Variants in PNKD observed in about 807,000 individuals in gnomAD.
PNKD encodes probable thioesterase PNKD.
Under a neutral mutation model 45.3 loss-of-function variants are expected in PNKD, and 36 were observed. That is an observed-to-expected ratio of 0.80 (90% CI 0.61 to 1.05). The LOEUF is 1.05. PNKD is among the 50% of genes least tolerant of loss of function. The pLI, the probability that PNKD is intolerant of heterozygous loss-of-function variation, is 0.00. For synonymous variants in PNKD, 197 were observed against 210.1 expected (o/e 0.94, Z 0.54); for missense variants, 511 against 506.6 (o/e 1.01, Z -0.08).
chr2:218,316,268 CTTTTT>C (rs397972881), intron 2 of PNKD, among the ~76,000 whole-genome samples: 4 of 119,586 alleles, frequency 3.3e-5, no homozygotes, highest in Non-Finnish European at 6.6e-5. Context: ...TTCTTTCTTT[CTTTTT>C]TTTTTTTTTT....
chr2:218,313,609 A>G (rs1429674555), intron 2 of PNKD, among the ~76,000 whole-genome samples: 1 of 152,222 alleles, frequency 6.6e-6, no homozygotes, highest in Non-Finnish European at 1.5e-5. Context: ...GTAGAGTTTC[A>G]TCATTACCAG....
chr2:218,334,627 C>A, intron 2 of PNKD: 1 of 694,604 alleles, frequency 1.4e-6, no homozygotes, highest in Non-Finnish European at 2.6e-6. Context: ...GCACTCTTGA[C>A]CTGGGTGACA....
chr2:218,277,815 G>C (rs1179689474), intron 2 of PNKD: 1 of 1,540,744 alleles, frequency 6.5e-7, no homozygotes, highest in Non-Finnish European at 8.9e-7. Flanking sequence ...CAGAACAGGC[G>C]GCCCAGATAA....
chr2:218,294,670 G>T (rs1431570614), intron 2 of PNKD, among the ~76,000 whole-genome samples: 1 of 152,128 alleles, frequency 6.6e-6, no homozygotes, highest in African/African-American at 2.4e-5. Context: ...TAGAGACAGG[G>T]TCTCACTATG....
intron 2 of PNKD, among the ~76,000 whole-genome samples, chr2:218,289,692 C>G (rs1416743788): frequency 6.8e-6 from 1 of 147,214 alleles, no homozygotes; most frequent in Admixed American, 6.8e-5. Flanking sequence ...TCTGAATGAA[C>G]AGCCTAACAG....
chr2:218,327,626 G>A (rs562902519), intron 2 of PNKD, among the ~76,000 whole-genome samples: 7 of 152,024 alleles, frequency 4.6e-5, no homozygotes, highest in Non-Finnish European at 7.4e-5. Flanking sequence ...CCACATTGCC[G>A]ACAGTATGGA....
At chr2:218,339,477 C>T (rs551374786) in intron 2 of PNKD, among the ~76,000 whole-genome samples, 4 of 152,062 alleles carry the variant, frequency 2.6e-5, no homozygotes, top group African/African-American at 9.6e-5. Flanking sequence ...CCGCCCACCT[C>T]GGCCTCCCAA....
At chr2:218,327,424 G>T (rs1182513434) in intron 2 of PNKD, among the ~76,000 whole-genome samples, 1 of 152,108 alleles carries the variant, frequency 6.6e-6, no homozygotes, top group Non-Finnish European at 1.5e-5. Context: ...TATCCATGTC[G>T]CAGCCTGGCA....
At chr2:218,337,309 G>T (rs770126590) in intron 2 of PNKD, among the ~76,000 whole-genome samples, 1 of 152,126 alleles carries the variant, frequency 6.6e-6, no homozygotes, top group Non-Finnish European at 1.5e-5. Context: ...TCCTGACCAT[G>T]TGATCCACCT....
At chr2:218,314,381 C>T (rs1693709692) in intron 2 of PNKD, among the ~76,000 whole-genome samples, 1 of 151,902 alleles carries the variant, frequency 6.6e-6, no homozygotes, top group South Asian at 2.1e-4. Context: ...ACCACCAAGC[C>T]TGGCTGATTT....
At chr2:218,290,091 A>G (rs1692834349) in intron 2 of PNKD, 1 of 152,222 alleles carries the variant, frequency 6.6e-6, no homozygotes, top group African/African-American at 2.4e-5. Context: ...GTGGAGAAAC[A>G]GAATCACCTA....
rs372642455 is a variant in PNKD at position 218,324,028 on chromosome 2, G to A, written c.237-15755G>A. On this transcript the variant is annotated intron_variant, in intron 2 of 9. Coordinates refer to ENST00000273077, the MANE Select transcript of PNKD (RefSeq NM_015488.5). ...AAGCCTGGCCCGTGTGGAAGCCCCA[G>A]GCTGTGAAATCTGACCCAACTGACT... Among the ~76,000 whole-genome samples, 12 of 152,164 alleles carry A rather than the reference G, an allele frequency of 7.9e-5. No individual in the cohort carries two copies. In the East Asian group the frequency reaches 9.6e-4, roughly 12 times the overall value.
At position 218,345,119 on chromosome 2, in the gene PNKD, G is replaced by A. The variant is rs1694797406; in HGVS notation, c.*138G>A. 28 of 681,940 alleles carry A rather than the reference G, an allele frequency of 4.1e-5. 1 individual carries two copies. The South Asian group carries it at 5.3e-4, about 13-fold the overall frequency. The allele number at this position is 681,940 out of a possible 1,614,324, so 42.2% of individuals were successfully genotyped here. ...GCATCATCCCCCCACACTGCTCAGG[G>A]GAGGGGAGGGATCAGGCGATGAGAC... On this transcript the variant is annotated 3_prime_UTR_variant, in exon 10 of 10. Transcript: ENST00000273077.
intron 2 of PNKD, among the ~76,000 whole-genome samples, chr2:218,330,519 G>T (rs1395265005): frequency 2.0e-5 from 3 of 152,196 alleles, no homozygotes. Context: ...CTACACTGGA[G>T]GTGCTGGTGC....
chr2:218,315,077 T>TTC (rs1191401028), intron 2 of PNKD, among the ~76,000 whole-genome samples: 28 of 72,880 alleles, frequency 3.8e-4, no homozygotes, highest in Middle Eastern at 8.6e-3. Flanking sequence ...TTCCTTCCTT[T>TTC]CTTTCTCTCT....
intron 2 of PNKD, among the ~76,000 whole-genome samples, chr2:218,338,147 AAAAC>A (rs201787708): frequency 2.2e-3 from 331 of 151,368 alleles, no homozygotes; most frequent in African/African-American, 7.7e-3. Flanking sequence ...CTCCCTCTCA[AAAAC>A]AAACAAACAA....
chr2:218,294,147 T>G (rs1299623371), intron 2 of PNKD, among the ~76,000 whole-genome samples: 1 of 151,966 alleles, frequency 6.6e-6, no homozygotes, highest in Non-Finnish European at 1.5e-5. Flanking sequence ...CAAGGTGTGA[T>G]CTCACCAGAG....
chr2:218,277,181 G>A, intron 2 of PNKD: 5 of 1,289,866 alleles, frequency 3.9e-6, no homozygotes, highest in East Asian at 2.3e-5. Flanking sequence ...GGGAGTCCCA[G>A]TGCTGCCTCC....
chr2:218,329,694 CATGCGGAAGTCCCCACGCCCCCAG>C (rs1694264280), intron 2 of PNKD, among the ~76,000 whole-genome samples: 1 of 152,260 alleles, frequency 6.6e-6, no homozygotes, highest in Non-Finnish European at 1.5e-5. Context: ...CTCTCCTGTG[CATGCGGAAGTCCCCACGCCCCCAG>C]GCATGCTGGC....
Sources: gnomAD v4.1 joint callset for allele counts (sites outside exome capture counted in the v4.1 genomes callset) on GRCh38, gnomAD v4.1.1 for gene constraint, MANE v1.5 for transcripts, NCBI Gene and HGNC (gene_info 2026-07-23, HGNC 2026-07-21) for gene names.